Variants in ARHGEF7 observed in about 807,000 individuals in gnomAD.
ARHGEF7 encodes PAK-interacting exchange factor beta.
A neutral mutation model predicts 109.8 loss-of-function variants in ARHGEF7; 33 were observed. The ratio of observed to expected loss-of-function variants is 0.30; its 90% CI spans 0.23 to 0.40. ARHGEF7 has a LOEUF of 0.40. Ranked by LOEUF, ARHGEF7 falls within the 10% of genes least tolerant of loss-of-function variation. ARHGEF7 has a pLI of 1.00. For missense variants in ARHGEF7, 938 were observed against 1,098.5 expected (o/e 0.85, Z 2.07); for synonymous variants, 458 against 424.6 (o/e 1.08, Z -0.97).
intron 4 of ARHGEF7, 111 bp downstream of exon 4, chr13:111,210,113 G>C (rs902964306): frequency 7.0e-7 from 1 of 1,435,482 alleles, no homozygotes; most frequent in Non-Finnish European, 9.5e-7. Flanking sequence ...ACAGGGCAAA[G>C]GTAGCTGGAC....
chr13:111,270,790 T>A (rs143088541), intron 9 of ARHGEF7, among the ~76,000 whole-genome samples: 3 of 152,320 alleles, frequency 2.0e-5, no homozygotes, highest in African/African-American at 7.2e-5. Context: ...AAAGTTTGAT[T>A]TTCATGGGAC....
At chr13:111,126,760 T>C (rs2067592451) in intron 1 of ARHGEF7, among the ~76,000 whole-genome samples, 1 of 152,214 alleles carries the variant, frequency 6.6e-6, no homozygotes, top group African/African-American at 2.4e-5. Flanking sequence ...ACAAATAACC[T>C]GGAGTCATAA....
chr13:111,220,715 C>T (rs1036037378), intron 5 of ARHGEF7, among the ~76,000 whole-genome samples: 7 of 152,066 alleles, frequency 4.6e-5, no homozygotes, highest in Non-Finnish European at 7.3e-5. Flanking sequence ...TCCAAAGGAC[C>T]GGCAGGGCGT....
chr13:111,256,528 T>G (rs1286618453), intron 8 of ARHGEF7, among the ~76,000 whole-genome samples: 1 of 152,202 alleles, frequency 6.6e-6, no homozygotes, highest in Non-Finnish European at 1.5e-5. Context: ...GGATCAGATC[T>G]TTCTTGATTG....
At chr13:111,202,311 C>T (rs904834873) in intron 2 of ARHGEF7, among the ~76,000 whole-genome samples, 8 of 152,196 alleles carry the variant, frequency 5.3e-5, no homozygotes, top group East Asian at 1.9e-4. Context: ...GCGCTTCTCA[C>T]GCTTGGCTGT....
In ARHGEF7 at chr13:111,277,652, G is replaced by A. The variant is rs906124277; in HGVS notation, c.1485G>A (p.Arg495=). The change falls in exon 13 of 22, where the codon AGG becomes AGA. Residue 495 remains arginine, a synonymous_variant. Transcript: ENST00000646102. ...TGCTAATGTTGTCTGCCAGTCCTAG[G>A]ATGAGTGGCTTTATCTATCAGGTAA... is the stretch of plus-strand genomic sequence containing the variant. ...NVLLMLSASP[R]MSGFIYQGKL... is the part of the protein sequence containing the mutation. The A allele has an allele frequency of 6.2e-7, 1 of 1,601,242 alleles. No homozygotes were observed. Among genetic ancestry groups the A allele is most frequent in the Non-Finnish European group, 8.6e-7 (1 of 1,168,654 alleles).
At chr13:111,220,042 C>T (rs1344187940) in intron 5 of ARHGEF7, among the ~76,000 whole-genome samples, 1 of 152,172 alleles carries the variant, frequency 6.6e-6, no homozygotes, top group Non-Finnish European at 1.5e-5. Context: ...TTGGATGGCA[C>T]TGGCCTGCAT....
chr13:111,172,816 G>C (rs1194395685), intron 2 of ARHGEF7, among the ~76,000 whole-genome samples: 2 of 152,200 alleles, frequency 1.3e-5, no homozygotes, highest in Non-Finnish European at 2.9e-5. Flanking sequence ...TGCGACAGCA[G>C]CCAGAGTTGG....
chr13:111,289,150 G>A (rs1485460501), intron 18 of ARHGEF7, among the ~76,000 whole-genome samples: 1 of 152,010 alleles, frequency 6.6e-6, no homozygotes, highest in Non-Finnish European at 1.5e-5. Context: ...TTCTATCTCA[G>A]CCTCCTGAGT....
chr13:111,204,209 T>A (rs1355960042), intron 2 of ARHGEF7, among the ~76,000 whole-genome samples: 1 of 152,108 alleles, frequency 6.6e-6, no homozygotes, highest in African/African-American at 2.4e-5. Context: ...TGGCAGGGTC[T>A]GCTAGAGGTG....
At chr13:111,181,752 C>A (rs1333771986) in intron 2 of ARHGEF7, among the ~76,000 whole-genome samples, 1 of 152,130 alleles carries the variant, frequency 6.6e-6, no homozygotes, top group Non-Finnish European at 1.5e-5. Context: ...GTAAATGCTT[C>A]AAGAGAGGCG....
intron 9 of ARHGEF7, among the ~76,000 whole-genome samples, chr13:111,268,653 C>T (rs1047806621): frequency 3.3e-4 from 50 of 152,122 alleles, no homozygotes; most frequent in African/African-American, 1.0e-3. Context: ...AGGGTGGACT[C>T]GGCTCTGGCT....
At chr13:111,224,773 G>A (rs1007492478) in intron 5 of ARHGEF7, among the ~76,000 whole-genome samples, 5 of 152,128 alleles carry the variant, frequency 3.3e-5, no homozygotes, top group African/African-American at 7.2e-5. Flanking sequence ...TAATCTGTGC[G>A]GGGAAAAGGA....
intron 3 of ARHGEF7, among the ~76,000 whole-genome samples, chr13:111,206,239 G>A (rs532482366): frequency 1.3e-5 from 2 of 151,696 alleles, no homozygotes; most frequent in African/African-American, 2.4e-5. Context: ...TCAGAGGGGG[G>A]GGTGTACTTG....
At position 111,255,212 on chromosome 13, in the gene ARHGEF7, G is replaced by A. The variant is rs1268126485; in HGVS notation, c.950+10918G>A. Among the ~76,000 whole-genome samples the A allele has an allele frequency of 6.6e-6, 1 of 152,126 alleles. No homozygotes were observed. The highest frequency in any genetic ancestry group is 2.4e-5 in the African/African-American group (1 of 41,424). On this transcript the variant is annotated intron_variant, in intron 8 of 21. Coordinates refer to ENST00000646102, the MANE Select transcript of ARHGEF7 (RefSeq NM_001354046.2). The surrounding 1 kb of genome is among the most constrained non-coding windows in gnomAD (Gnocchi z 4.1). ...GAAGGCCGGGCTCAGAAGAGGATTC[G>A]GGCTAAGGCGCTGAGTTCCGTTTGG...
At chr13:111,154,292 T>C (rs575174507) in intron 2 of ARHGEF7, among the ~76,000 whole-genome samples, 1 of 152,304 alleles carries the variant, frequency 6.6e-6, no homozygotes, top group African/African-American at 2.4e-5. Context: ...GACACACATT[T>C]TCAACAACCG....
In ARHGEF7 at chr13:111,258,978, G is replaced by A. The variant is rs532912143; in HGVS notation, c.951-8570G>A. On this transcript the variant is annotated intron_variant, in intron 8 of 21. Coordinates refer to ENST00000646102, the MANE Select transcript of ARHGEF7 (RefSeq NM_001354046.2). The surrounding 1 kb of genome is among the most constrained non-coding windows in gnomAD (Gnocchi z 4.4). Reference sequence around the variant, plus strand: ...AGGCCCGGTGGTGGCTACAGGGAGAGGTTTCCTGCTTATGGAAAAGGGGAG... The same window carrying A: ...AGGCCCGGTGGTGGCTACAGGGAGAAGTTTCCTGCTTATGGAAAAGGGGAG... Among the ~76,000 whole-genome samples, 4 of 152,242 alleles carry A rather than the reference G, an allele frequency of 2.6e-5. No homozygotes were observed. In the South Asian group the frequency reaches 8.3e-4, roughly 32 times the overall value.
rs1367559030 is a variant in ARHGEF7, at chr13:111,145,559, G to C, written c.166-8346G>C. Among the ~76,000 whole-genome samples, 1 of 152,202 alleles carries C rather than the reference G, an allele frequency of 6.6e-6. No homozygotes were observed. Among genetic ancestry groups the C allele is most frequent in the Non-Finnish European group, 1.5e-5 (1 of 68,038 alleles). ...ATGTTAAACACCTGGCTGTCTGGGA[G>C]GGGTGGCCCTGGCGTGTACCGTTTG... is the stretch of plus-strand genomic sequence containing the variant. On this transcript the variant is annotated intron_variant, in intron 1 of 21. Transcript: ENST00000646102. The surrounding 1 kb of genome is among the most constrained non-coding windows in gnomAD (Gnocchi z 4.3).
At chr13:111,141,196 G>A (rs1248165405) in intron 1 of ARHGEF7, among the ~76,000 whole-genome samples, 1 of 152,098 alleles carries the variant, frequency 6.6e-6, no homozygotes, top group Non-Finnish European at 1.5e-5. Flanking sequence ...GGTTCACTGT[G>A]TGTTGTATGT....
Sources: gnomAD v4.1 joint callset for allele counts (sites outside exome capture counted in the v4.1 genomes callset) on GRCh38, gnomAD v4.1.1 for gene constraint, Gnocchi (gnomAD v3.1) non-coding constraint, MANE v1.5 for transcripts, NCBI Gene and HGNC (gene_info 2026-07-23, HGNC 2026-07-21) for gene names.